The following DCC variants were observed in gnomAD, a reference collection of about 807,000 sequenced individuals.
The protein encoded by DCC is netrin receptor DCC.
A neutral mutation model predicts 172.5 loss-of-function variants in DCC; 58 were observed. The observed-to-expected ratio is 0.34, with a 90% CI of 0.27 to 0.42. The LOEUF (loss-of-function observed/expected upper bound fraction) is 0.42, where lower values mean the gene tolerates loss of function less well. DCC is among the 10% of genes least tolerant of loss of function. The pLI is 1.00. For synonymous variants in DCC, 709 were observed against 644.5 expected, an observed-to-expected ratio of 1.10 and a Z score of -1.52; for missense variants, 1,740 against 1,791.0, an observed-to-expected ratio of 0.97 and a Z score of 0.51.
intron 1 of DCC, among the ~76,000 whole-genome samples, chr18:52,414,546 A>G (rs974580203): frequency 6.6e-6 from 1 of 152,188 alleles, no homozygotes; most frequent in Non-Finnish European, 1.5e-5. Context: ...TTATAATTCC[A>G]GCTGGATTCT....
intron 1 of DCC, among the ~76,000 whole-genome samples, chr18:52,559,954 T>C (rs984082652): frequency 8.5e-5 from 13 of 152,182 alleles, no homozygotes; most frequent in African/African-American, 3.1e-4. Context: ...ATAAACAATA[T>C]CTTTGGGAGC....
intron 1 of DCC, among the ~76,000 whole-genome samples, chr18:52,482,925 G>A (rs1243489175): frequency 2.6e-5 from 4 of 152,074 alleles, no homozygotes; most frequent in Admixed American, 2.6e-4. Context: ...ATTATGATAA[G>A]CTTGGGGACT....
rs1330140220 is a variant in DCC, at chr18:53,486,850, A to T, written c.3790A>T (p.Ile1264Phe). The change falls in exon 26 of 29, where the codon ATC becomes TTC. Residue 1264 changes from isoleucine (I) to phenylalanine (F), a missense_variant. By Grantham distance (21) the Ile-to-Phe change is conservative. Transcript: ENST00000442544. ...GCTAGAAAGTGCCCAGTACCCAGGA[A>T]TCCTCCCGTCTCCCACCTGTGGATA... The part of the protein sequence containing the change: ...PTLESAQYPG[I>F]LPSPTCGYPH... The T allele has an allele frequency of 1.2e-6, 2 of 1,614,062 alleles. No homozygotes were observed. Among genetic ancestry groups the T allele is most frequent in the South Asian group, 1.1e-5 (1 of 91,074 alleles).
chr18:52,961,474 T>A (rs1321168225), intron 5 of DCC, among the ~76,000 whole-genome samples: 1 of 152,032 alleles, frequency 6.6e-6, no homozygotes, highest in Non-Finnish European at 1.5e-5. Flanking sequence ...GATATTGGGG[T>A]CCTTGTCTGA....
chr18:53,516,933 C>G (rs1264819107), intron 27 of DCC, among the ~76,000 whole-genome samples: 6 of 143,786 alleles, frequency 4.2e-5, no homozygotes, highest in African/African-American at 1.1e-4. Flanking sequence ...TTTGACCCAG[C>G]CATCCCATTA....
intron 8 of DCC, among the ~76,000 whole-genome samples, chr18:53,160,781 A>G (rs2054826245): frequency 1.3e-5 from 2 of 152,080 alleles, no homozygotes; most frequent in African/African-American, 4.8e-5. Context: ...CTCTTAGCTG[A>G]CCTTGATTTT....
intron 1 of DCC, among the ~76,000 whole-genome samples, chr18:52,686,788 G>C (rs1244295978): frequency 6.6e-6 from 1 of 152,036 alleles, no homozygotes; most frequent in Non-Finnish European, 1.5e-5. Context: ...CTAGTATCCA[G>C]GGCTGAGGTC....
chr18:53,485,694 C>T (rs2045892582), intron 25 of DCC, among the ~76,000 whole-genome samples: 2 of 151,928 alleles, frequency 1.3e-5, no homozygotes, highest in African/African-American at 4.8e-5. Flanking sequence ...CTAGAAGCAG[C>T]CCTTTTAAAA....
At chr18:52,941,611 G>A (rs2040466558) in intron 5 of DCC, among the ~76,000 whole-genome samples, 1 of 151,476 alleles carries the variant, frequency 6.6e-6, no homozygotes, top group South Asian at 2.1e-4. Context: ...CTTTTAAAAG[G>A]AAATATTTTG....
chr18:53,264,034 C>T lies in DCC; in HGVS notation c.1912-41544C>T, dbSNP rs541583469. On this transcript the variant is annotated intron_variant, in intron 12 of 28. Coordinates refer to ENST00000442544, the MANE Select transcript of DCC (RefSeq NM_005215.4). ...AAGGGTTAAATATATTAGGAAAATT[C>T]TTTGTTCTGTATTTTGCTCTTACAA... Among the ~76,000 whole-genome samples, 4 of 152,200 alleles carry T rather than the reference C, an allele frequency of 2.6e-5. No individual in the cohort carries two copies. The East Asian group carries it at 5.8e-4, about 22-fold the overall frequency.
At position 53,402,836 on chromosome 18, in the gene DCC, C is replaced by A. The variant is rs1187171748; in HGVS notation, c.2878C>A (p.Pro960Thr). ...GACAGTCATTACTAGGGAAGGGAAG[C>A]CTCGTGCCGTCATTGTGAGTTGGCA... ...DLTVITREGK[P>T]RAVIVSWQPP... The change falls in exon 19 of 29, where the codon CCT (proline) becomes ACT (threonine). Residue 960 changes from proline (P) to threonine (T), a missense_variant. Coordinates refer to ENST00000442544, the MANE Select transcript of DCC (RefSeq NM_005215.4). 6.2e-7 allele frequency: 1 copy of A among 1,614,098 alleles called. No individual in the cohort carries two copies. The highest frequency in any genetic ancestry group is 8.5e-7 in the Non-Finnish European group (1 of 1,179,990).
chr18:52,731,580 G>A (rs181271167), intron 1 of DCC, among the ~76,000 whole-genome samples: 347 of 152,264 alleles, frequency 2.3e-3, no homozygotes, highest in Admixed American at 4.0e-3. Flanking sequence ...CATAGACATA[G>A]TATATTAGAA....
chr18:53,048,725 T>C (rs929202247), intron 5 of DCC, among the ~76,000 whole-genome samples: 1 of 151,490 alleles, frequency 6.6e-6, no homozygotes, highest in African/African-American at 2.4e-5. Context: ...ATGGGATTGC[T>C]AAGTCAAACG....
At chr18:52,447,515 C>T (rs1023696916) in intron 1 of DCC, among the ~76,000 whole-genome samples, 1 of 152,192 alleles carries the variant, frequency 6.6e-6, no homozygotes, top group African/African-American at 2.4e-5. Context: ...ATGCTACTCA[C>T]TTGGATACCC....
At chr18:52,540,695 C>T (rs1290322108) in intron 1 of DCC, among the ~76,000 whole-genome samples, 1 of 147,582 alleles carries the variant, frequency 6.8e-6, no homozygotes, top group African/African-American at 2.5e-5. Context: ...CAAGCTCCAC[C>T]TCCCGGGTTC....
intron 1 of DCC, among the ~76,000 whole-genome samples, chr18:52,679,134 G>A (rs992971421): frequency 6.6e-6 from 1 of 151,882 alleles, no homozygotes; most frequent in Admixed American, 6.6e-5. Context: ...TTATATAAAT[G>A]TTATTTATGG....
intron 2 of DCC, among the ~76,000 whole-genome samples, chr18:52,781,619 T>TC (rs201999707): frequency 0.022 from 3,345 of 152,208 alleles, 60 homozygotes; most frequent in Non-Finnish European, 0.031. Flanking sequence ...CACTTCATCC[T>TC]CCAGTCTGAT....
At chr18:52,901,981 C>T (rs1374036147) in intron 2 of DCC, among the ~76,000 whole-genome samples, 3 of 152,020 alleles carry the variant, frequency 2.0e-5, no homozygotes, top group East Asian at 1.9e-4. Flanking sequence ...CCAGTAAGTA[C>T]GACTAGGAAA....
chr18:53,400,723 C>T (rs913043409), intron 18 of DCC, among the ~76,000 whole-genome samples: 17 of 152,128 alleles, frequency 1.1e-4, no homozygotes, highest in African/African-American at 4.1e-4. Flanking sequence ...AGAGCTTGCA[C>T]AGCACCTGAA....
Sources: allele counts gnomAD v4.1 joint callset (sites outside exome capture counted in the v4.1 genomes callset), GRCh38; gene constraint gnomAD v4.1.1; transcripts MANE v1.5; gene names NCBI Gene and HGNC (gene_info 2026-07-23, HGNC 2026-07-21).